Variants in DPF3 observed in about 807,000 individuals in gnomAD.
DPF3 encodes the protein double PHD fingers 3.
DPF3 carries 18 observed loss-of-function variants against 56.8 expected under a neutral mutation model. The ratio of observed to expected loss-of-function variants is 0.32; its 90% CI spans 0.22 to 0.47. The LOEUF is 0.47. Among genes scored for constraint, DPF3 ranks in the 20% least tolerant of loss-of-function variants. DPF3 has a pLI of 1.00. For synonymous variants in DPF3, 188 were observed against 180.2 expected, an observed-to-expected ratio of 1.04 and a Z score of -0.35; for missense variants, 403 against 488.8, an observed-to-expected ratio of 0.82 and a Z score of 1.65.
At chr14:72,671,373 T>C in intron 8 of DPF3, 1 of 1,608,646 alleles carries the variant, frequency 6.2e-7, no homozygotes, top group Non-Finnish European at 8.5e-7. Context: ...GCACATGGGT[T>C]AAGCAACAGA....
intron 8 of DPF3, among the ~76,000 whole-genome samples, chr14:72,638,819 A>T (rs1184183218): frequency 2.3e-4 from 32 of 141,724 alleles, no homozygotes; most frequent in South Asian, 6.8e-4. Context: ...TTTGTTTTAC[A>T]TTTTTTTTTT....
At chr14:72,671,434 AAGATATAAAACCAT>A in intron 8 of DPF3, 17 of 1,524,164 alleles carry the variant, frequency 1.1e-5, no homozygotes, top group Non-Finnish European at 1.4e-5. Flanking sequence ...TCTTAATAGC[AAGATATAAAACCAT>A]TTGCACACCA....
At chr14:72,855,514 T>C (rs1410684368) in intron 1 of DPF3, among the ~76,000 whole-genome samples, 1 of 152,190 alleles carries the variant, frequency 6.6e-6, no homozygotes, top group Non-Finnish European at 1.5e-5. Flanking sequence ...ATTCCAGAGA[T>C]ATTGGTCTGT....
chr14:72,725,489 A>G (rs1889368804), intron 4 of DPF3, among the ~76,000 whole-genome samples: 1 of 152,086 alleles, frequency 6.6e-6, no homozygotes, highest in South Asian at 2.1e-4. Flanking sequence ...TCCCTGAGGC[A>G]GGGAGAGGAA....
chr14:72,831,960 G>A (rs188366883), intron 1 of DPF3, among the ~76,000 whole-genome samples: 59 of 152,304 alleles, frequency 3.9e-4, no homozygotes, highest in African/African-American at 1.4e-3. Context: ...GCTCATGCCT[G>A]TAATCCCAGC....
intron 1 of DPF3, among the ~76,000 whole-genome samples, chr14:72,851,160 G>A (rs74851384): frequency 7.2e-4 from 109 of 152,236 alleles, no homozygotes; most frequent in Non-Finnish European, 1.1e-3. Flanking sequence ...GAGAATGCCG[G>A]GAAATGAACG....
chr14:72,831,213 G>A (rs530976897), intron 1 of DPF3, among the ~76,000 whole-genome samples: 1 of 152,222 alleles, frequency 6.6e-6, no homozygotes, highest in East Asian at 1.9e-4. Flanking sequence ...GAAACGTGAC[G>A]CGGGAGGGGA....
intron 3 of DPF3, among the ~76,000 whole-genome samples, chr14:72,750,482 T>C (rs1027581860): frequency 1.3e-5 from 2 of 152,172 alleles, no homozygotes; most frequent in Non-Finnish European, 2.9e-5. Context: ...ACCCTTTAAA[T>C]TGACAACTTA....
chr14:72,790,907 T>C (rs1892403223), intron 1 of DPF3, among the ~76,000 whole-genome samples: 1 of 152,116 alleles, frequency 6.6e-6, no homozygotes, highest in South Asian at 2.1e-4. Context: ...CCCTGCTGGG[T>C]GCTGCGGAAG....
At position 72,671,268 on chromosome 14, in the gene DPF3, G is replaced by A. The variant is rs755356965; in HGVS notation, c.871+2972C>T. 3.8e-4 allele frequency: 609 copies of A among 1,613,854 alleles called. 3 individuals are homozygous for A. Among genetic ancestry groups the A allele is most frequent in the East Asian group, 6.7e-5 (3 of 44,888 alleles). On this transcript the variant is annotated intron_variant, in intron 8 of 10. Coordinates refer to ENST00000556509, the MANE Select transcript of DPF3 (RefSeq NM_001280542.3). ...ACGTGTCACTTTCTGACGTGGAACC[G>A]AATAAGTCCTCCGTGGTACGTGCTG... is the stretch of plus-strand genomic sequence containing the variant.
At chr14:72,660,763 G>A (rs1401994925) in intron 8 of DPF3, among the ~76,000 whole-genome samples, 2 of 152,212 alleles carry the variant, frequency 1.3e-5, no homozygotes. Context: ...TGATGATGGT[G>A]ATGGTGATGG....
chr14:72,868,473 T>C (rs1321648834), intron 1 of DPF3, among the ~76,000 whole-genome samples: 1 of 152,198 alleles, frequency 6.6e-6, no homozygotes, highest in East Asian at 1.9e-4. Context: ...TTCCAGGACA[T>C]GAAAATCCGA....
chr14:72,813,510 C>T (rs551115466), intron 1 of DPF3, among the ~76,000 whole-genome samples: 1 of 152,318 alleles, frequency 6.6e-6, no homozygotes, highest in Admixed American at 6.5e-5. Flanking sequence ...GTTTTTGCTA[C>T]ATCAGAACAA....
chr14:72,804,104 G>C (rs570861945), intron 1 of DPF3, among the ~76,000 whole-genome samples: 1 of 151,992 alleles, frequency 6.6e-6, no homozygotes, highest in South Asian at 2.1e-4. Context: ...AATGACTGGG[G>C]AAATAAGGGA....
intron 8 of DPF3, among the ~76,000 whole-genome samples, chr14:72,640,070 A>AAAAAAAAAAAAAAAAAAAAAAAAAAAAG (rs1885506039): frequency 6.9e-6 from 1 of 145,838 alleles, no homozygotes; most frequent in Non-Finnish European, 1.5e-5. Context: ...AAAAAAAAAA[A>AAAAAAAAAAAAAAAAAAAAAAAAAAAAG]AAAAAAAAAA....
intron 9 of DPF3, among the ~76,000 whole-genome samples, chr14:72,620,605 C>T (rs1884372688): frequency 1.3e-5 from 2 of 152,188 alleles, no homozygotes; most frequent in Non-Finnish European, 2.9e-5. Context: ...ATCTTTGCAC[C>T]TATGGCTACT....
intron 7 of DPF3, among the ~76,000 whole-genome samples, chr14:72,687,404 A>G (rs1252475068): frequency 6.6e-6 from 1 of 152,254 alleles, no homozygotes; most frequent in Non-Finnish European, 1.5e-5. Flanking sequence ...GATACAACAT[A>G]TAACAATAAG....
chr14:72,828,541 A>AAAAAAAAAAAAG (rs1555511090), intron 1 of DPF3, among the ~76,000 whole-genome samples: 1 of 151,094 alleles, frequency 6.6e-6, no homozygotes, highest in Non-Finnish European at 1.5e-5. Context: ...ATGTCTTAAA[A>AAAAAAAAAAAAG]AAAAAAAAAA....
intron 9 of DPF3, among the ~76,000 whole-genome samples, chr14:72,625,427 T>C (rs1043552003): frequency 6.6e-6 from 1 of 152,238 alleles, no homozygotes. Context: ...GAAAATATCC[T>C]TTCATTTTTT....
Sources: gnomAD v4.1 joint callset for allele counts (sites outside exome capture counted in the v4.1 genomes callset) on GRCh38, gnomAD v4.1.1 for gene constraint, MANE v1.5 for transcripts, NCBI Gene and HGNC (gene_info 2026-07-23, HGNC 2026-07-21) for gene names.